SVEP1: variants seen among roughly 807,000 people sequenced by gnomAD.
The protein encoded by SVEP1 is sushi, von Willebrand factor type A, EGF and pentraxin domain containing 1, also known as sushi, von Willebrand factor type A, EGF and pentraxin domain-containing protein 1.
Under a neutral mutation model 367.3 loss-of-function variants are expected in SVEP1, and 164 were observed. That is an observed-to-expected ratio of 0.45 (90% confidence interval 0.39 to 0.51). The LOEUF (loss-of-function observed/expected upper bound fraction) is 0.51. Among genes scored for constraint, SVEP1 ranks in the 20% least tolerant of loss-of-function variants. The pLI, the probability that SVEP1 is intolerant of heterozygous loss-of-function variation, is 0.00. For synonymous variants in SVEP1, 1,666 were observed against 1,611.6 expected, an observed-to-expected ratio of 1.03 and a Z score of -0.81; for missense variants, 4,117 against 4,425.3, an observed-to-expected ratio of 0.93 and a Z score of 1.98.
At chr9:110,412,019 C>T (rs1427568852) in intron 36 of SVEP1, among the ~76,000 whole-genome samples, 1 of 152,140 alleles carries the variant, frequency 6.6e-6, no homozygotes, top group East Asian at 1.9e-4. Context: ...GATCAAATGA[C>T]TTGCATTTGA....
intron 42 of SVEP1, among the ~76,000 whole-genome samples, chr9:110,386,426 T>C (rs1247646368): frequency 1.3e-5 from 2 of 152,008 alleles, no homozygotes; most frequent in Non-Finnish European, 2.9e-5. Flanking sequence ...AATCAAGGGG[T>C]ATATCAAATA....
intron 3 of SVEP1, among the ~76,000 whole-genome samples, chr9:110,538,906 GGATTT>G (rs1830110949): frequency 1.3e-5 from 2 of 152,050 alleles, no homozygotes; most frequent in South Asian, 2.1e-4. Flanking sequence ...GACTAATCTA[GGATTT>G]GATTTGTTGT....
intron 38 of SVEP1, 85 bp from the exon 39 acceptor site, chr9:110,404,637 A>G (rs1000521133): frequency 8.2e-7 from 1 of 1,224,130 alleles, no homozygotes; most frequent in Non-Finnish European, 1.2e-6. Flanking sequence ...AGCTGTTACA[A>G]GGCTCAGTAG....
intron 40 of SVEP1, among the ~76,000 whole-genome samples, chr9:110,396,628 A>C (rs1439477721): frequency 6.7e-6 from 1 of 149,074 alleles, no homozygotes; most frequent in Non-Finnish European, 1.5e-5. Flanking sequence ...AGAGAGAAGA[A>C]TCAAATAGAC....
intron 17 of SVEP1, among the ~76,000 whole-genome samples, chr9:110,466,881 A>ACCTTCATG (rs1392386312): frequency 6.6e-6 from 1 of 152,010 alleles, no homozygotes; most frequent in Non-Finnish European, 1.5e-5. Flanking sequence ...AAGCAGACAT[A>ACCTTCATG]CCTTCATGCC....
chr9:110,446,498 C>T lies in SVEP1; in HGVS notation c.4261+402G>A, dbSNP rs1828602901. On this transcript the variant is annotated intron_variant, in intron 25 of 47. Transcript: ENST00000374469. ...CTGCCCCAAACCTGCACAGACCACTCAATAAAACAAGTCTTACAGCTAAAA... is the reference window on the plus strand; with the variant it reads ...CTGCCCCAAACCTGCACAGACCACTTAATAAAACAAGTCTTACAGCTAAAA... Among the ~76,000 whole-genome samples the T allele has an allele frequency of 2.0e-5, 3 of 152,174 alleles. 1 individual carries two copies. The highest frequency in any genetic ancestry group is 2.0e-4 in the Admixed American group (3 of 15,278).
intron 47 of SVEP1, among the ~76,000 whole-genome samples, chr9:110,367,891 G>A (rs1226133391): frequency 6.6e-6 from 1 of 151,966 alleles, no homozygotes; most frequent in Non-Finnish European, 1.5e-5. Context: ...GACTAGCCTG[G>A]CCAACATAGT....
chr9:110,476,962 C>G (rs780031989), intron 13 of SVEP1, among the ~76,000 whole-genome samples: 2 of 152,184 alleles, frequency 1.3e-5, no homozygotes, highest in African/African-American at 2.4e-5. Context: ...CTTCTGGTGA[C>G]AGTCACCTGC....
intron 1 of SVEP1, among the ~76,000 whole-genome samples, chr9:110,566,789 G>A (rs1830499317): frequency 6.6e-6 from 1 of 152,202 alleles, no homozygotes; most frequent in African/African-American, 2.4e-5. Context: ...GATATGGAGA[G>A]AGGACATGAA....
In SVEP1 at chr9:110,387,454, G is replaced by C. The variant is rs1383775412; in HGVS notation, c.9891C>G (p.Thr3297=). ...GAAATTCAAGTGGAGTTTCACACCTGGTCTCTAAAAACAAGAATAAAAGCC... is the reference window on the plus strand; with the variant it reads ...GAAATTCAAGTGGAGTTTCACACCTCGTCTCTAAAAACAAGAATAAAAGCC... ...WSGGVAICKE[T]RCETPLEFLN... Residue 3297 remains threonine (T), a synonymous_variant, in exon 42 of 48, where the codon ACC becomes ACG. Transcript: ENST00000374469. The C allele has an allele frequency of 5.6e-6, 9 of 1,599,880 alleles. No individual in the cohort carries two copies. Among genetic ancestry groups the C allele is most frequent in the Non-Finnish European group, 7.7e-6 (9 of 1,176,072 alleles).
Position 110,411,214 on chromosome 9 carries a change from G to C in SVEP1, c.6497C>G (p.Ala2166Gly). The C allele has an allele frequency of 6.2e-7, 1 of 1,613,990 alleles. No individual in the cohort carries two copies. The highest frequency in any genetic ancestry group is 8.5e-7 in the Non-Finnish European group (1 of 1,179,878). The change falls in exon 37 of 48, where the codon GCC becomes GGC. Residue 2166 changes from alanine (A) to glycine (G), a missense_variant. By Grantham distance (60) the Ala-to-Gly change is moderately conservative (BLOSUM62 0). Transcript: ENST00000374469. ...YASGSNYSFG[A>G]MVAYSCNKGF... is the part of the protein sequence containing the mutation. The stretch of plus-strand genomic sequence containing the variant: ...CTTGTTGCAGCTGTAAGCCACCATG[G>C]CTCCAAAACTGTAGTTTGATCCACT...
At position 110,447,990 on chromosome 9, in the gene SVEP1, G is replaced by A. The variant is rs1828629696; in HGVS notation, c.4104-933C>T. On this transcript the variant is annotated intron_variant, in intron 24 of 47. Coordinates refer to ENST00000374469, the MANE Select transcript of SVEP1 (RefSeq NM_153366.4). ...AAAAACCGAATTGCAAAAAGAATAT[G>A]TATGTTATGATACCACTTATGTAAC... Among the ~76,000 whole-genome samples the A allele has an allele frequency of 2.0e-5, 3 of 152,134 alleles. No homozygotes were observed. The South Asian group carries it at 6.2e-4, about 31-fold the overall frequency.
intron 39 of SVEP1, 64 bp from the exon 40 acceptor site, chr9:110,401,073 T>A: frequency 6.3e-7 from 1 of 1,577,496 alleles, no homozygotes; most frequent in South Asian, 1.2e-5. Flanking sequence ...TGAAGAAATT[T>A]GCAAATATTG....
chr9:110,411,278 G>A lies in SVEP1; in HGVS notation c.6433C>T (p.Arg2145Trp), dbSNP rs201043549. 3.0e-5 allele frequency: 49 copies of A among 1,613,866 alleles called. No individual in the cohort carries two copies. The highest frequency in any genetic ancestry group is 4.0e-5 in the African/African-American group (3 of 74,924). The change falls in exon 37 of 48, where the codon CGG (arginine) becomes TGG (tryptophan). Residue 2145 changes from arginine (R) to tryptophan (W), a missense_variant. By Grantham distance (101) the Arg-to-Trp change is moderately radical. This residue lies in a region of SVEP1 where 1,765 missense variants were observed against 1,781.1 expected (regional missense o/e 0.99). Transcript: ENST00000374469. ...SPMSIQCIPV[R>W]CGEPPSIMNG... is the part of the protein sequence containing the mutation. ...ATGATGCTTGGTGGCTCTCCACACCGCACAGGGATGCACTGGATGGACATG... is the reference window on the plus strand; with the variant it reads ...ATGATGCTTGGTGGCTCTCCACACCACACAGGGATGCACTGGATGGACATG...
At chr9:110,379,641 TATCTA>T in intron 43 of SVEP1, 124 bp from the exon 44 acceptor site, 1 of 948,130 alleles carries the variant, frequency 1.1e-6, no homozygotes, top group East Asian at 2.7e-5. Context: ...TTCACCTACT[TATCTA>T]GAATAGTAAG....
At chr9:110,573,441 T>A (rs1264952039) in intron 1 of SVEP1, among the ~76,000 whole-genome samples, 1 of 152,188 alleles carries the variant, frequency 6.6e-6, no homozygotes, top group Non-Finnish European at 1.5e-5. Flanking sequence ...TTCCCTGAGC[T>A]AGGAAGCACT....
chr9:110,484,717 A>C (rs1829249848), intron 9 of SVEP1, among the ~76,000 whole-genome samples: 1 of 152,206 alleles, frequency 6.6e-6, no homozygotes, highest in African/African-American at 2.4e-5. Flanking sequence ...TAATATCCAG[A>C]ATCTACAAAG....
At chr9:110,469,629 G>T (rs1828987098) in intron 16 of SVEP1, among the ~76,000 whole-genome samples, 1 of 152,146 alleles carries the variant, frequency 6.6e-6, no homozygotes, top group Non-Finnish European at 1.5e-5. Context: ...AAACTGAAAA[G>T]CCTGCTACCA....
At chr9:110,499,354 T>G (rs1829496938) in intron 6 of SVEP1, 116 bp from the exon 7 acceptor site, 1 of 913,650 alleles carries the variant, frequency 1.1e-6, no homozygotes, top group Non-Finnish European at 1.6e-6. Flanking sequence ...CGTAAATTGC[T>G]AAATGATAAC....
Sources: allele counts gnomAD v4.1 joint callset (sites outside exome capture counted in the v4.1 genomes callset), GRCh38; gene constraint gnomAD v4.1.1; regional missense constraint gnomAD v4.1.1; transcripts MANE v1.5; gene names NCBI Gene and HGNC (gene_info 2026-07-23, HGNC 2026-07-21).